Variants in TPD52L1 observed in about 807,000 individuals in gnomAD.
TPD52L1 encodes the protein TPD52 like 1.
Under a neutral mutation model 28.7 loss-of-function variants are expected in TPD52L1, and 18 were observed. The ratio of observed to expected loss-of-function variants is 0.63; its 90% confidence interval spans 0.43 to 0.93. The LOEUF is 0.93. Among genes scored for constraint, TPD52L1 ranks in the 40% least tolerant of loss-of-function variants. The pLI is 0.00. For synonymous variants in TPD52L1, 75 were observed against 88.8 expected, an observed-to-expected ratio of 0.84 and a Z score of 0.88; for missense variants, 203 against 254.8, an observed-to-expected ratio of 0.80 and a Z score of 1.39.
intron 3 of TPD52L1, among the ~76,000 whole-genome samples, chr6:125,235,431 A>C (rs926157260): frequency 1.3e-5 from 2 of 152,168 alleles, no homozygotes; most frequent in Non-Finnish European, 2.9e-5. Context: ...GCAAAAAATA[A>C]AAATAAAAAC....
At chr6:125,211,818 T>A (rs1321733285) in intron 1 of TPD52L1, among the ~76,000 whole-genome samples, 1 of 152,186 alleles carries the variant, frequency 6.6e-6, no homozygotes, top group African/African-American at 2.4e-5. Context: ...CACACCTGAT[T>A]CAATAATAGG....
intron 1 of TPD52L1, among the ~76,000 whole-genome samples, chr6:125,207,041 C>G (rs955581020): frequency 6.6e-6 from 1 of 152,116 alleles, no homozygotes; most frequent in Non-Finnish European, 1.5e-5. Context: ...ATGAAAAGAG[C>G]ATCAAGAAGA....
At chr6:125,210,921 G>T (rs970317776) in intron 1 of TPD52L1, among the ~76,000 whole-genome samples, 13 of 152,130 alleles carry the variant, frequency 8.5e-5, no homozygotes, top group African/African-American at 2.9e-4. Context: ...TCCTGAGATT[G>T]GTTTGTTCCC....
At chr6:125,225,446 C>T (rs970632342) in intron 2 of TPD52L1, among the ~76,000 whole-genome samples, 1 of 152,118 alleles carries the variant, frequency 6.6e-6, no homozygotes, top group Non-Finnish European at 1.5e-5. Flanking sequence ...TCCACAGTGG[C>T]GGAACTATTT....
chr6:125,215,462 G>A (rs532019718), intron 1 of TPD52L1, among the ~76,000 whole-genome samples: 28 of 152,236 alleles, frequency 1.8e-4, no homozygotes, highest in Middle Eastern at 3.4e-3. Context: ...AGCACCACTG[G>A]GACAAGATGT....
chr6:125,253,868 T>C, intron 5 of TPD52L1, 113 bp downstream of exon 5: 1 of 1,045,806 alleles, frequency 9.6e-7, no homozygotes, highest in Non-Finnish European at 1.5e-6. Flanking sequence ...AAATTGCTGA[T>C]GGTCTTCAAA....
intron 6 of TPD52L1, 27 bp from the exon 7 acceptor site, chr6:125,262,807 G>A (rs1798134820): frequency 6.3e-7 from 1 of 1,586,788 alleles, no homozygotes. Flanking sequence ...ACAACTAACT[G>A]CATTTTTGTG....
At position 125,260,968 on chromosome 6, in the gene TPD52L1, GAAAGAAAGAAAAGA is replaced by G. The variant is rs1263594499; in HGVS notation, c.487-1854_487-1841del. Reference sequence around the variant, plus strand: ...AGAAAGAAAGAAAGAAAGAAAGAAAGAAAGAAAGAAAAGAAAAGAAAGAAAGAAAGAAAGAAAGA... The same window carrying G: ...AGAAAGAAAGAAAGAAAGAAAGAAAGAAAGAAAGAAAGAAAGAAAGAAAGA... On this transcript the variant is annotated intron_variant, in intron 6 of 6. Transcript: ENST00000534000. The G allele has an allele frequency of 4.5e-3, 198 of 44,490 alleles. 5 individuals are homozygous for G. The highest frequency in any genetic ancestry group is 0.012 in the Middle Eastern group (1 of 86). 2.8% of individuals were successfully genotyped at this position (44,490 alleles called of 1,614,324 possible).
chr6:125,243,514 T>C (rs764524984), intron 3 of TPD52L1, among the ~76,000 whole-genome samples: 11 of 151,972 alleles, frequency 7.2e-5, no homozygotes, highest in Non-Finnish European at 1.2e-4. Flanking sequence ...TTCTTTGTCT[T>C]TGTTGGATTG....
intron 3 of TPD52L1, among the ~76,000 whole-genome samples, chr6:125,240,508 T>G (rs1284895111): frequency 6.6e-6 from 1 of 152,188 alleles, no homozygotes; most frequent in Non-Finnish European, 1.5e-5. Flanking sequence ...AGCAGTGTTT[T>G]GTCATTTTCC....
At chr6:125,208,566 G>A (rs149466218) in intron 1 of TPD52L1, among the ~76,000 whole-genome samples, 1 of 152,114 alleles carries the variant, frequency 6.6e-6, no homozygotes, top group Non-Finnish European at 1.5e-5. Context: ...ACAGTCAGGT[G>A]GCTGATCCTG....
chr6:125,177,479 A>AT (rs1282585241), intron 1 of TPD52L1, among the ~76,000 whole-genome samples: 1 of 152,140 alleles, frequency 6.6e-6, no homozygotes, highest in Non-Finnish European at 1.5e-5. Context: ...CAATCTCCAC[A>AT]TTTTGTAGCT....
intron 1 of TPD52L1, among the ~76,000 whole-genome samples, chr6:125,175,366 T>C (rs1050482539): frequency 1.3e-5 from 2 of 152,182 alleles, no homozygotes; most frequent in Admixed American, 6.6e-5. Flanking sequence ...AAAAATTTTA[T>C]AAATTATTTT....
At chr6:125,230,797 T>C (rs962222219) in intron 3 of TPD52L1, among the ~76,000 whole-genome samples, 8 of 152,134 alleles carry the variant, frequency 5.3e-5, no homozygotes, top group Non-Finnish European at 1.5e-5. Context: ...CTCAATCAGA[T>C]AGGTTCAGGG....
At chr6:125,216,132 T>A (rs1178924614) in intron 1 of TPD52L1, among the ~76,000 whole-genome samples, 1 of 152,186 alleles carries the variant, frequency 6.6e-6, no homozygotes, top group East Asian at 1.9e-4. Flanking sequence ...GAGCATTGAC[T>A]AAAATGTTAA....
intron 1 of TPD52L1, among the ~76,000 whole-genome samples, chr6:125,191,739 C>G (rs1333851753): frequency 6.6e-6 from 1 of 152,202 alleles, no homozygotes; most frequent in African/African-American, 2.4e-5. Flanking sequence ...AAGTGAACAA[C>G]TGTGGAATGT....
At chr6:125,170,643 G>A (rs1027040463) in intron 1 of TPD52L1, among the ~76,000 whole-genome samples, 1 of 152,048 alleles carries the variant, frequency 6.6e-6, no homozygotes, top group Non-Finnish European at 1.5e-5. Context: ...CTATTGCTGT[G>A]AGTAATAAAT....
intron 1 of TPD52L1, among the ~76,000 whole-genome samples, chr6:125,209,876 G>A (rs1794384769): frequency 6.6e-6 from 1 of 152,184 alleles, no homozygotes; most frequent in South Asian, 2.1e-4. Context: ...CCAGATTGGG[G>A]CAACAAATAA....
chr6:125,154,454 G>T, intron 1 of TPD52L1: 4 of 986,618 alleles, frequency 4.1e-6, no homozygotes, highest in Non-Finnish European at 4.8e-6. Flanking sequence ...CCGGCTGCGC[G>T]AGACGCTTCC....
Sources: allele counts gnomAD v4.1 joint callset (sites outside exome capture counted in the v4.1 genomes callset), GRCh38; gene constraint gnomAD v4.1.1; transcripts MANE v1.5; gene names NCBI Gene and HGNC (gene_info 2026-07-23, HGNC 2026-07-21).